The following PAK3 variants were observed in gnomAD, a reference collection of about 807,000 sequenced individuals.
PAK3 encodes serine/threonine-protein kinase PAK 3.
Under a neutral mutation model 41.0 loss-of-function variants are expected in PAK3, and 4 were observed. The observed-to-expected ratio is 0.10, with a 90% CI of 0.05 to 0.22. The LOEUF (loss-of-function observed/expected upper bound fraction) is 0.22, where lower values mean the gene tolerates loss of function less well. PAK3 is among the 10% of genes least tolerant of loss of function. PAK3 has a pLI of 1.00. For missense variants in PAK3, 205 were observed against 409.9 expected, an observed-to-expected ratio of 0.50 and a Z score of 4.32; for synonymous variants, 146 against 139.6, an observed-to-expected ratio of 1.05 and a Z score of -0.32.
chrX:110,974,319 A>G (rs1180840475), intron 1 of PAK3, among the ~76,000 whole-genome samples: 4 of 112,215 alleles, frequency 3.6e-5, no homozygotes, highest in Non-Finnish European at 7.5e-5. Context: ...CTACAAGAGA[A>G]TACTATAAAC....
chrX:111,045,648 T>G (rs1360409891), intron 1 of PAK3, among the ~76,000 whole-genome samples: 1 of 112,045 alleles, frequency 8.9e-6, no homozygotes, highest in Admixed American at 9.4e-5. Flanking sequence ...AAGTAAAGGA[T>G]GCATGTCTTG....
chrX:111,019,297 AG>A (rs1469880401), intron 1 of PAK3, among the ~76,000 whole-genome samples: 4 of 110,974 alleles, frequency 3.6e-5, no homozygotes, highest in Non-Finnish European at 7.6e-5. Context: ...CAGAGTGAAA[AG>A]GCATCCTACA....
chrX:111,026,959 G>A (rs2092278852), intron 1 of PAK3, among the ~76,000 whole-genome samples: 1 of 111,642 alleles, frequency 9.0e-6, no homozygotes, highest in African/African-American at 3.3e-5. Flanking sequence ...ATAAAAATAG[G>A]CACATAGGTG....
intron 1 of PAK3, among the ~76,000 whole-genome samples, chrX:111,010,295 G>C (rs985546215): frequency 9.0e-6 from 1 of 111,704 alleles, no homozygotes; most frequent in African/African-American, 3.3e-5. Flanking sequence ...TTTCATGCTG[G>C]GGAATTAGAG....
rs1173480823 is a variant in PAK3 at position 111,227,052 on chromosome X, T to C, written c.*6605T>C. On this transcript the variant is annotated 3_prime_UTR_variant, in exon 18 of 18. Transcript: ENST00000372007. Reference sequence around the variant, plus strand: ...GAGCATTACTTTTGTCAGAATGTGTTATCTGTAAACCATGTGTAGTGAAAT... The same window carrying C: ...GAGCATTACTTTTGTCAGAATGTGTCATCTGTAAACCATGTGTAGTGAAAT... 1 of 112,398 alleles carries C rather than the reference T, an allele frequency of 8.9e-6. No individual in the cohort carries two copies. Among genetic ancestry groups the C allele is most frequent in the East Asian group, 2.8e-4 (1 of 3,590 alleles). 9.3% of individuals were successfully genotyped at this position (112,398 alleles called of 1,213,427 possible). A position where few individuals can be genotyped will look rare whatever the true frequency, so the allele number is the denominator to read the frequency against.
At chrX:111,092,652 T>C (rs762708057), upstream of PAK3, among the ~76,000 whole-genome samples, 1 of 111,985 alleles carries the variant, frequency 8.9e-6, no homozygotes, top group Non-Finnish European at 1.9e-5. Flanking sequence ...CACAGGTGTA[T>C]ACTTATTCCC....
chrX:111,186,240 G>A (rs1459082389), intron 11 of PAK3, among the ~76,000 whole-genome samples: 1 of 111,450 alleles, frequency 9.0e-6, no homozygotes, highest in Non-Finnish European at 1.9e-5. Flanking sequence ...ATAAGACAAG[G>A]TTGCCCTCTC....
At chrX:111,132,844 A>G (rs774960066) in intron 5 of PAK3, among the ~76,000 whole-genome samples, 2 of 111,682 alleles carry the variant, frequency 1.8e-5, no homozygotes, top group African/African-American at 6.5e-5. Context: ...ATATGAGACA[A>G]GGTTCCCTAT....
At position 111,192,544 on chromosome X, in the gene PAK3, G is replaced by A. The variant is rs151056810; in HGVS notation, c.918G>A (p.Lys306=). Residue 306 remains lysine, a synonymous_variant, in exon 13 of 18, where the codon AAG becomes AAA. Coordinates refer to ENST00000372007, the MANE Select transcript of PAK3 (RefSeq NM_002578.5). The part of the protein sequence containing the change: ...IKQMNLQQQP[K]KELIINEILV... ...AGATGAACCTTCAACAGCAACCCAAGAAGGAATTAATTATTAATGAAATTC... is the reference window on the plus strand; with the variant it reads ...AGATGAACCTTCAACAGCAACCCAAAAAGGAATTAATTATTAATGAAATTC... The A allele has an allele frequency of 1.4e-4, 161 of 1,171,801 alleles. No individual in the cohort carries two copies. Among genetic ancestry groups the A allele is most frequent in the Admixed American group, 2.2e-4 (10 of 45,665 alleles).
chrX:110,992,726 A>G (rs2091671952), intron 1 of PAK3, among the ~76,000 whole-genome samples: 1 of 111,837 alleles, frequency 8.9e-6, no homozygotes, highest in Non-Finnish European at 1.9e-5. Flanking sequence ...CAGCTTGCTC[A>G]GCCTCTTCTT....
chrX:111,129,267 T>G (rs2093687932), intron 5 of PAK3, among the ~76,000 whole-genome samples: 1 of 111,766 alleles, frequency 8.9e-6, no homozygotes, highest in South Asian at 3.8e-4. Flanking sequence ...CTCAAAGTTA[T>G]TATCACTGCA....
chrX:111,220,385 C>T lies in PAK3; in HGVS notation c.1573C>T (p.Leu525Phe), dbSNP rs377015001. ...QHPFLKLAKPLSSLTPLIIAA... is the reference protein window; with the variant it reads ...QHPFLKLAKPFSSLTPLIIAA... ...TCCATTTTTAAAATTAGCCAAGCCT[C>T]TCTCCAGCCTGACTCCTCTGATTAT... Residue 525 changes from leucine to phenylalanine, a missense_variant, in exon 18 of 18, where the codon CTC (leucine) becomes TTC (phenylalanine). Leu to Phe is a conservative substitution (Grantham distance 22, BLOSUM62 0). This residue lies in a region of PAK3 where 40 missense variants were observed against 54.4 expected (regional missense o/e 0.74). Transcript: ENST00000372007. 1 of 1,201,492 alleles carries T rather than the reference C, an allele frequency of 8.3e-7. No homozygotes were observed. The highest frequency in any genetic ancestry group is 1.1e-6 in the Non-Finnish European group (1 of 887,958).
At chrX:111,170,439 C>T (rs895046130) in intron 10 of PAK3, among the ~76,000 whole-genome samples, 3 of 110,197 alleles carry the variant, frequency 2.7e-5, no homozygotes, top group Admixed American at 1.9e-4. Context: ...GGTATACTAT[C>T]TACTGCTGTT....
At chrX:111,014,688 G>A (rs1450960299) in intron 1 of PAK3, among the ~76,000 whole-genome samples, 1 of 111,462 alleles carries the variant, frequency 9.0e-6, no homozygotes, top group African/African-American at 3.3e-5. Flanking sequence ...CTTTACCTTT[G>A]CACTGCTAAG....
At chrX:111,135,938 C>A (rs2093782768) in intron 5 of PAK3, among the ~76,000 whole-genome samples, 1 of 110,909 alleles carries the variant, frequency 9.0e-6, no homozygotes, top group African/African-American at 3.3e-5. Context: ...AAGAGAAGTG[C>A]CAGTAGAGAG....
At chrX:111,013,596 T>C (rs1217487771) in intron 1 of PAK3, among the ~76,000 whole-genome samples, 1 of 111,508 alleles carries the variant, frequency 9.0e-6, no homozygotes, top group Non-Finnish European at 1.9e-5. Context: ...TCTGAATTTG[T>C]TGGAGCCCAA....
At chrX:111,148,134 G>A (rs1277380798) in intron 7 of PAK3, among the ~76,000 whole-genome samples, 1 of 111,891 alleles carries the variant, frequency 8.9e-6, no homozygotes, top group Non-Finnish European at 1.9e-5. Context: ...GCTTGAACTG[G>A]TAGTCACAAT....
chrX:111,188,145 T>A (rs954091196), intron 11 of PAK3, among the ~76,000 whole-genome samples: 1 of 108,928 alleles, frequency 9.2e-6, no homozygotes, highest in African/African-American at 3.3e-5. Context: ...ATATTGAGAT[T>A]CCAGGGTTAG....
chrX:111,198,927 A>G (rs2094647223), intron 16 of PAK3, among the ~76,000 whole-genome samples: 1 of 111,679 alleles, frequency 9.0e-6, no homozygotes, highest in Non-Finnish European at 1.9e-5. Flanking sequence ...CAGTATGGCC[A>G]TGTTAAAAAT....
Sources: gnomAD v4.1 joint callset for allele counts (sites outside exome capture counted in the v4.1 genomes callset) on GRCh38, gnomAD v4.1.1 for gene constraint, gnomAD v4.1.1 regional missense constraint, MANE v1.5 for transcripts, NCBI Gene and HGNC (gene_info 2026-07-23, HGNC 2026-07-21) for gene names.